ELFN1: variants seen among roughly 807,000 people sequenced by gnomAD.
ELFN1 encodes extracellular leucine rich repeat and fibronectin type III domain containing 1.
ELFN1 carries 6 observed loss-of-function variants against 7.6 expected under a neutral mutation model. The ratio of observed to expected loss-of-function variants is 0.79; its 90% CI spans 0.43 to 1.56. The LOEUF is 1.56. Among genes scored for constraint, ELFN1 ranks in the 40% most tolerant of loss-of-function variants. The pLI, the probability that ELFN1 is intolerant of heterozygous loss-of-function variation, is 0.01. For missense variants in ELFN1, 1,169 were observed against 1,232.2 expected (o/e 0.95, Z 0.77); for synonymous variants, 657 against 588.1 (o/e 1.12, Z -1.70).
chr7:1,746,612 G>A lies in ELFN1; in HGVS notation c.2016G>A (p.Lys672=). The change falls in exon 4 of 4, where the codon AAG becomes AAA. Residue 672 remains lysine, a synonymous_variant. Coordinates refer to ENST00000424383, the MANE Select transcript of ELFN1 (RefSeq NM_001128636.4). ...CCGCCGAGGCCAAGTACATCGAGAA[G>A]GGCTCCCCCGCGGCCGACGCCATCC... ...AAAAEAKYIE[K]GSPAADAILT... 1.5e-6 allele frequency: 2 copies of A among 1,349,714 alleles called. No individual in the cohort carries two copies. Among genetic ancestry groups the A allele is most frequent in the South Asian group, 1.7e-5 (1 of 58,526 alleles). The allele number at this position is 1,349,714 out of a possible 1,614,324, so 83.6% of individuals were successfully genotyped here.
chr7:1,732,322 A>C (rs1428415077), intron 3 of ELFN1, among the ~76,000 whole-genome samples: 1 of 152,164 alleles, frequency 6.6e-6, no homozygotes, highest in East Asian at 1.9e-4. Flanking sequence ...AAATGGCAAA[A>C]TGAGAGCTGA....
intron 1 of ELFN1, among the ~76,000 whole-genome samples, chr7:1,674,640 C>T (rs150347167): frequency 3.3e-5 from 5 of 152,220 alleles, no homozygotes; most frequent in Admixed American, 2.0e-4. Flanking sequence ...GTGACCCCCC[C>T]GCCCTCGACG....
chr7:1,711,622 GAGAGAAT>G (rs1779660336), intron 3 of ELFN1, among the ~76,000 whole-genome samples: 3 of 129,970 alleles, frequency 2.3e-5, no homozygotes, highest in Non-Finnish European at 3.4e-5. Flanking sequence ...GAGAGAGAGA[GAGAGAAT>G]GAGACAAGGG....
At chr7:1,687,428 A>G (rs187393052) in intron 1 of ELFN1, among the ~76,000 whole-genome samples, 8 of 152,126 alleles carry the variant, frequency 5.3e-5, no homozygotes, top group Admixed American at 2.0e-4. Context: ...TTTATGTAGG[A>G]ACCATCTAGC....
In ELFN1 at chr7:1,680,814, TCA is replaced by T. The variant is rs1269309567; in HGVS notation, c.-548-7241_-548-7240del. 2.0e-5 allele frequency among the ~76,000 whole-genome samples: 3 copies of T among 150,226 alleles called. 1 individual carries two copies. Among genetic ancestry groups the T allele is most frequent in the Non-Finnish European group, 1.5e-5 (1 of 67,812 alleles). On this transcript the variant is annotated intron_variant, in intron 1 of 3. Coordinates refer to ENST00000424383, the MANE Select transcript of ELFN1 (RefSeq NM_001128636.4). ...TGGAGTGCAGTGGTGCGTTCTCGGC[TCA>T]CAGCAGCCTCCGCCTCCTGGATTCA...
chr7:1,671,963 A>C (rs1303231083), intron 1 of ELFN1, among the ~76,000 whole-genome samples: 1 of 152,050 alleles, frequency 6.6e-6, no homozygotes, highest in Non-Finnish European at 1.5e-5. Context: ...TCTGATCCCC[A>C]CCCCTAGTGG....
chr7:1,725,542 G>A (rs1158332453), intron 3 of ELFN1, among the ~76,000 whole-genome samples: 2 of 152,160 alleles, frequency 1.3e-5, no homozygotes, highest in African/African-American at 4.8e-5. Flanking sequence ...GCCTCTCATT[G>A]ACTAAGTCAC....
chr7:1,717,638 G>T (rs1184968585), intron 3 of ELFN1, among the ~76,000 whole-genome samples: 1 of 152,196 alleles, frequency 6.6e-6, no homozygotes, highest in Non-Finnish European at 1.5e-5. Context: ...AGACCTCAGA[G>T]AATCAGACAG....
At chr7:1,699,835 C>G (rs1218109615) in intron 2 of ELFN1, among the ~76,000 whole-genome samples, 1 of 152,144 alleles carries the variant, frequency 6.6e-6, no homozygotes, top group South Asian at 2.1e-4. Context: ...TCCCGGGTAG[C>G]TGGGATTACA....
Position 1,673,493 on chromosome 7 carries a change from C to T in ELFN1, c.-549+3139C>T, listed in dbSNP as rs913028165. 2.0e-5 allele frequency among the ~76,000 whole-genome samples: 3 copies of T among 152,202 alleles called. No homozygotes were observed. Among genetic ancestry groups the T allele is most frequent in the Admixed American group, 2.0e-4 (3 of 15,286 alleles). On this transcript the variant is annotated intron_variant, in intron 1 of 3. Transcript: ENST00000424383. This position sits in a 1 kb window ranked among gnomAD's most constrained non-coding sequence, Gnocchi z 4.7. The stretch of plus-strand genomic sequence containing the variant: ...GAGCCCAGCACCGTGCCCCCCCTCC[C>T]CGCCCCCTGCCCCGGATGTCCCTTT...
In ELFN1 at chr7:1,745,010, C is replaced by T; in HGVS notation, c.414C>T (p.Tyr138=). 1 of 1,551,120 alleles carries T rather than the reference C, an allele frequency of 6.4e-7. No homozygotes were observed. Residue 138 remains tyrosine, a synonymous_variant, in exon 4 of 4, where the codon TAC becomes TAT. Transcript: ENST00000424383. ...LRGLGKLEYL[Y]LQANLIEVVM... is the part of the protein sequence containing the mutation. ...GCCTGGGCAAGCTGGAGTACCTGTA[C>T]CTGCAGGCCAACCTCATCGAGGTGG...
upstream of ELFN1, among the ~76,000 whole-genome samples, chr7:1,667,797 C>T (rs1778692191): frequency 6.6e-6 from 1 of 152,188 alleles, no homozygotes; most frequent in Non-Finnish European, 1.5e-5. The surrounding 1 kb of genome is among the most constrained non-coding windows in gnomAD (Gnocchi z 8.2). Flanking sequence ...GGGGGAGGGG[C>T]AGGGGGCGTG....
intron 1 of ELFN1, among the ~76,000 whole-genome samples, chr7:1,679,146 C>T (rs755855226): frequency 2.2e-4 from 34 of 151,786 alleles, no homozygotes; most frequent in Non-Finnish European, 3.4e-4. Context: ...CACGCGTGCG[C>T]GCACACACAC....
intron 3 of ELFN1, among the ~76,000 whole-genome samples, chr7:1,727,230 A>T (rs1044624909): frequency 2.4e-4 from 36 of 152,324 alleles, no homozygotes; most frequent in African/African-American, 7.9e-4. Context: ...GGTGAGTGTG[A>T]GTCCCCAAGC....
intron 3 of ELFN1, 108 bp from the exon 4 acceptor site, chr7:1,744,196 C>A: frequency 4.4e-6 from 1 of 227,888 alleles, no homozygotes; most frequent in African/African-American, 2.3e-5. Context: ...CTCAGCGGAG[C>A]AGGGACTCAG....
upstream of ELFN1, among the ~76,000 whole-genome samples, chr7:1,669,787 CT>C (rs1372144015): frequency 1.3e-5 from 2 of 152,296 alleles, no homozygotes; most frequent in African/African-American, 4.8e-5. Context: ...ACGGGAGGAC[CT>C]GAGAACGCCT....
chr7:1,693,081 A>T (rs1452142871), intron 2 of ELFN1: 2 of 321,948 alleles, frequency 6.2e-6, no homozygotes, highest in Non-Finnish European at 1.2e-5. Context: ...ATTCAGCCCC[A>T]GCTGGGCTGG....
In ELFN1 at chr7:1,722,560, C is replaced by T. The variant is rs185984267; in HGVS notation, c.-294+13308C>T. On this transcript the variant is annotated intron_variant, in intron 3 of 3. Coordinates refer to ENST00000424383, the MANE Select transcript of ELFN1 (RefSeq NM_001128636.4). Reference sequence around the variant, plus strand: ...TGCTGGGATTACAGGTGTGAGCCACCGCGCCTGGGCAGGAGCCACTTTTTC... The same window carrying T: ...TGCTGGGATTACAGGTGTGAGCCACTGCGCCTGGGCAGGAGCCACTTTTTC... 5.5e-3 allele frequency among the ~76,000 whole-genome samples: 843 copies of T among 151,986 alleles called. 7 individuals are homozygous for T. The highest frequency in any genetic ancestry group is 0.019 in the African/African-American group (805 of 41,446).
rs932520414 is a variant in ELFN1, at chr7:1,673,088, C to G, written c.-549+2734C>G. 4.3e-5 allele frequency among the ~76,000 whole-genome samples: 4 copies of G among 92,490 alleles called. No homozygotes were observed. The highest frequency in any genetic ancestry group is 7.8e-5 in the Non-Finnish European group (4 of 51,596). The allele number at this position is 92,490 out of a possible 152,430, so 60.7% of individuals were successfully genotyped here. ...ATACATTTGTCATCTCTCCAGCGCC[C>G]CCCCCCGCTCTTTCCTTTTTGTTTT... On this transcript the variant is annotated intron_variant, in intron 1 of 3. Transcript: ENST00000424383. This position sits in a 1 kb window ranked among gnomAD's most constrained non-coding sequence, Gnocchi z 4.7.
Sources: gnomAD v4.1 joint callset for allele counts (sites outside exome capture counted in the v4.1 genomes callset) on GRCh38, gnomAD v4.1.1 for gene constraint, Gnocchi (gnomAD v3.1) non-coding constraint, MANE v1.5 for transcripts, NCBI Gene and HGNC (gene_info 2026-07-23, HGNC 2026-07-21) for gene names.